Variants in MTG2 observed in about 807,000 individuals in gnomAD.
MTG2 encodes the protein mitochondrial ribosome-associated GTPase 2.
Under a neutral mutation model 28.6 loss-of-function variants are expected in MTG2, and 23 were observed. The ratio of observed to expected loss-of-function variants is 0.80; its 90% CI spans 0.58 to 1.14. The LOEUF (loss-of-function observed/expected upper bound fraction) is 1.14. Among genes scored for constraint, MTG2 ranks in the 50% most tolerant of loss-of-function variants. MTG2 has a pLI of 0.00. For synonymous variants in MTG2, 260 were observed against 251.8 expected, an observed-to-expected ratio of 1.03 and a Z score of -0.31; for missense variants, 539 against 552.0, an observed-to-expected ratio of 0.98 and a Z score of 0.24.
intron 1 of MTG2, among the ~76,000 whole-genome samples, chr20:62,190,510 G>A (rs536234650): frequency 6.6e-6 from 1 of 152,330 alleles, no homozygotes; most frequent in African/African-American, 2.4e-5. Context: ...CTGTATTAGT[G>A]ACAAACTATG....
At chr20:62,193,073 T>C (rs1459349573) in intron 1 of MTG2, among the ~76,000 whole-genome samples, 1 of 152,236 alleles carries the variant, frequency 6.6e-6, no homozygotes, top group African/African-American at 2.4e-5. Flanking sequence ...GTTTTTCTTT[T>C]CAAGAAATTT....
intron 1 of MTG2, among the ~76,000 whole-genome samples, chr20:62,187,124 T>C (rs917279500): frequency 2.0e-5 from 3 of 152,158 alleles, no homozygotes; most frequent in Non-Finnish European, 2.9e-5. Flanking sequence ...GTTGAGACGG[T>C]GGTACCACCT....
At chr20:62,188,369 C>G (rs2057890285) in intron 1 of MTG2, among the ~76,000 whole-genome samples, 1 of 152,078 alleles carries the variant, frequency 6.6e-6, no homozygotes, top group Non-Finnish European at 1.5e-5. Flanking sequence ...CACAGAAGCT[C>G]TGTCACACAG....
At position 62,203,500 on chromosome 20, in the gene MTG2, A is replaced by G. The variant is rs569312260; in HGVS notation, c.*2423A>G. Reference sequence around the variant, plus strand: ...TTTCCTGTTTCCTGCCTAGAAACAAATTTTTGTCAGTCTGCTTTTCAAATG... The same window carrying G: ...TTTCCTGTTTCCTGCCTAGAAACAAGTTTTTGTCAGTCTGCTTTTCAAATG... On this transcript the variant is annotated 3_prime_UTR_variant, in exon 7 of 7. Coordinates refer to ENST00000370823, the MANE Select transcript of MTG2 (RefSeq NM_015666.4). 1.3e-5 allele frequency: 2 copies of G among 152,340 alleles called. No individual in the cohort carries two copies. The highest frequency in any genetic ancestry group is 4.8e-5 in the African/African-American group (2 of 41,576). 9.4% of individuals were successfully genotyped at this position (152,340 alleles called of 1,614,324 possible).
chr20:62,192,487 C>G (rs2057979652), intron 1 of MTG2, among the ~76,000 whole-genome samples: 1 of 152,134 alleles, frequency 6.6e-6, no homozygotes, highest in Admixed American at 6.5e-5. Context: ...GCCCCTAGTT[C>G]CAGGATTTCC....
chr20:62,195,875 A>G lies in MTG2; in HGVS notation c.278A>G (p.His93Arg), dbSNP rs11700220. The change falls in exon 3 of 7, where the codon CAC becomes CGC. Residue 93 changes from histidine to arginine, a missense_variant. Physicochemically the swap from His to Arg is conservative, Grantham distance 29. Coordinates refer to ENST00000370823, the MANE Select transcript of MTG2 (RefSeq NM_015666.4). Reference sequence around the variant, plus strand: ...GGAGGCGCTGGGGCAAGCTGCTTCCACAGTGAGCCCCGCAAGGAGTTTGGA... The same window carrying G: ...GGAGGCGCTGGGGCAAGCTGCTTCCGCAGTGAGCCCCGCAAGGAGTTTGGA... ...GNGGAGASCF[H>R]SEPRKEFGGP... is the part of the protein sequence containing the mutation. The G allele has an allele frequency of 0.013, 20,992 of 1,614,210 alleles. 232 individuals carry two copies. The highest frequency in any genetic ancestry group is 0.061 in the Admixed American group (3,681 of 60,024).
chr20:62,194,362 G>C (rs2058020741), intron 2 of MTG2, among the ~76,000 whole-genome samples: 3 of 152,226 alleles, frequency 2.0e-5, no homozygotes. Flanking sequence ...TGCTCAAATA[G>C]CTGAAGCGTT....
intron 2 of MTG2, among the ~76,000 whole-genome samples, chr20:62,194,919 G>A (rs551048089): frequency 1.1e-4 from 16 of 152,336 alleles, no homozygotes; most frequent in East Asian, 7.7e-4. Context: ...TTTCCTAGCC[G>A]GGCACAGTGG....
chr20:62,190,911 C>G (rs913052663), intron 1 of MTG2, among the ~76,000 whole-genome samples: 3 of 152,130 alleles, frequency 2.0e-5, no homozygotes, highest in Non-Finnish European at 4.4e-5. Context: ...GGAGAGGTGG[C>G]CCGGCACGGG....
At chr20:62,195,669 C>A in intron 2 of MTG2, 133 bp from the exon 3 acceptor site, 2 of 1,050,104 alleles carry the variant, frequency 1.9e-6, no homozygotes, top group Non-Finnish European at 2.7e-6. Flanking sequence ...AAGTGATTAG[C>A]AATATTAGTG....
rs1263220435 is a variant in MTG2, at chr20:62,201,071, G to T, written c.1215G>T (p.Arg405Ser). ...TGGGCCAGGGCCGCCAGCCGCTCAG[G>T]TGGTAGCCACGCCAGAGCGGGGTCG... Reference protein sequence around the residue: ...AELGQGRQPLRW With the variant: ...AELGQGRQPLSW The change falls in exon 7 of 7, where the codon AGG becomes AGT. Residue 405 changes from arginine (R) to serine (S), a missense_variant. By Grantham distance (110) the Arg-to-Ser change is moderately radical (BLOSUM62 -1). Transcript: ENST00000370823. 1.3e-6 allele frequency: 2 copies of T among 1,596,204 alleles called. No individual in the cohort carries two copies. The highest frequency in any genetic ancestry group is 1.7e-6 in the Non-Finnish European group (2 of 1,172,362).
chr20:62,185,187 G>C (rs1278812848), intron 1 of MTG2, among the ~76,000 whole-genome samples: 1 of 151,982 alleles, frequency 6.6e-6, no homozygotes, highest in Non-Finnish European at 1.5e-5. Flanking sequence ...GCTGAGGTGG[G>C]CGGATCACGA....
chr20:62,196,144 C>CT (rs1313971882), intron 3 of MTG2, among the ~76,000 whole-genome samples, 195 bp downstream of exon 3: 7 of 149,204 alleles, frequency 4.7e-5, no homozygotes, highest in South Asian at 2.2e-4. Flanking sequence ...AAGACCATGT[C>CT]TTTTTTGTTT....
chr20:62,185,584 G>A (rs1415894182), intron 1 of MTG2, among the ~76,000 whole-genome samples: 1 of 151,684 alleles, frequency 6.6e-6, no homozygotes, highest in African/African-American at 2.4e-5. Flanking sequence ...TTGCAGTGAG[G>A]TGAGATCATG....
At chr20:62,198,433 C>T (rs935487672) in intron 4 of MTG2, among the ~76,000 whole-genome samples, 2 of 152,230 alleles carry the variant, frequency 1.3e-5, no homozygotes, top group South Asian at 2.1e-4. Flanking sequence ...AGGGTGTGTA[C>T]GCAGCCCCGT....
chr20:62,193,024 C>G (rs542472092), intron 1 of MTG2, among the ~76,000 whole-genome samples: 1 of 152,348 alleles, frequency 6.6e-6, no homozygotes, highest in Admixed American at 6.5e-5. Flanking sequence ...TTTAAAATTA[C>G]ACAGGATAAC....
In MTG2 at chr20:62,200,782, T is replaced by C. The variant is rs1188467489; in HGVS notation, c.926T>C (p.Val309Ala). The C allele has an allele frequency of 6.2e-7, 1 of 1,613,698 alleles. No individual in the cohort carries two copies. Among genetic ancestry groups the C allele is most frequent in the Non-Finnish European group, 8.5e-7 (1 of 1,180,040 alleles). ...HIERCRFLLF[V>A]VDLSQPEPWT... Reference sequence around the variant, plus strand: ...GAGCGCTGCCGCTTTCTCTTGTTCGTGGTGGATCTTTCTCAGCCTGAGCCG... The same window carrying C: ...GAGCGCTGCCGCTTTCTCTTGTTCGCGGTGGATCTTTCTCAGCCTGAGCCG... The change falls in exon 7 of 7, where the codon GTG becomes GCG. Residue 309 changes from valine (V) to alanine (A), a missense_variant. Val to Ala is a moderately conservative substitution (Grantham distance 64). Transcript: ENST00000370823.
Position 62,200,741 on chromosome 20 carries a change from C to T in MTG2, c.885C>T (p.Ala295=). 6.2e-7 allele frequency: 1 copy of T among 1,613,532 alleles called. No homozygotes were observed. The highest frequency in any genetic ancestry group is 1.6e-4 in the Middle Eastern group (1 of 6,062). ...ACCAGAACAGGGGTCTGGGGTCCGC[C>T]TTCCTCAGGCACATCGAGCGCTGCC... is the stretch of plus-strand genomic sequence containing the variant. The part of the protein sequence containing the change: ...GAHQNRGLGS[A]FLRHIERCRF... Residue 295 remains alanine (A), a synonymous_variant, in exon 7 of 7, where the codon GCC becomes GCT. Transcript: ENST00000370823.
intron 1 of MTG2, among the ~76,000 whole-genome samples, chr20:62,188,057 G>A (rs940699861): frequency 3.3e-5 from 5 of 150,696 alleles, no homozygotes; most frequent in African/African-American, 1.2e-4. Flanking sequence ...CGTGAACCCG[G>A]GAGGCAGAAC....
Sources: allele counts gnomAD v4.1 joint callset (sites outside exome capture counted in the v4.1 genomes callset), GRCh38; gene constraint gnomAD v4.1.1; transcripts MANE v1.5; gene names NCBI Gene and HGNC (gene_info 2026-07-23, HGNC 2026-07-21).